GADL1: variants seen among roughly 807,000 people sequenced by gnomAD.
The protein encoded by GADL1 is acidic amino acid decarboxylase GADL1.
A neutral mutation model predicts 69.5 loss-of-function variants in GADL1; 71 were observed. That is an observed-to-expected ratio of 1.02 (90% CI 0.84 to 1.25). The LOEUF (loss-of-function observed/expected upper bound fraction) is 1.25, where lower values mean the gene tolerates loss of function less well. Among genes scored for constraint, GADL1 ranks in the 50% most tolerant of loss-of-function variants. The pLI, the probability that GADL1 is intolerant of heterozygous loss-of-function variation, is 0.00. For synonymous variants in GADL1, 254 were observed against 214.4 expected, an observed-to-expected ratio of 1.18 and a Z score of -1.62; for missense variants, 737 against 631.8, an observed-to-expected ratio of 1.17 and a Z score of -1.79.
intron 1 of GADL1, 53 bp from the exon 2 acceptor site, chr3:30,861,818 A>G: frequency 1.6e-6 from 2 of 1,214,932 alleles, no homozygotes; most frequent in Non-Finnish European, 2.3e-6. Context: ...TACACCACAT[A>G]ACAAAGCACG....
chr3:30,805,410 C>T (rs1294153880), intron 11 of GADL1, among the ~76,000 whole-genome samples: 2 of 152,076 alleles, frequency 1.3e-5, no homozygotes, highest in Non-Finnish European at 2.9e-5. Flanking sequence ...GAAGAGAGAA[C>T]ACTGAGCTAG....
rs1340095523 is a variant in GADL1 at position 30,861,595 on chromosome 3, T to A, written c.208A>T (p.Lys70Ter). ...VVLKATDVNE[K>*]VCEWRPPEQL... is the part of the protein sequence containing the mutation. Reference sequence around the variant, plus strand: ...TTCTTACAGGTTTTAATTTTTACCTTCTCATTGACATCTGTAGCTTTCAAA... The same window carrying A: ...TTCTTACAGGTTTTAATTTTTACCTACTCATTGACATCTGTAGCTTTCAAA... Residue 70 changes from lysine to a stop codon, truncating the protein, a stop_gained and splice_region_variant, in exon 2 of 15, where the codon AAG becomes TAG. Coordinates refer to ENST00000282538, the MANE Select transcript of GADL1 (RefSeq NM_207359.3). LOFTEE classifies it high-confidence loss of function. 1.3e-6 allele frequency: 2 copies of A among 1,541,642 alleles called. No individual in the cohort carries two copies. The highest frequency in any genetic ancestry group is 1.7e-6 in the Non-Finnish European group (2 of 1,142,914).
At chr3:30,848,674 C>T (rs146520299) in intron 6 of GADL1, among the ~76,000 whole-genome samples, 179 of 152,276 alleles carry the variant, frequency 1.2e-3, no homozygotes, top group Middle Eastern at 3.4e-3. Flanking sequence ...AAAATCTCTT[C>T]CAATAAAGGC....
At chr3:30,823,560 T>C (rs141947928) in intron 11 of GADL1, among the ~76,000 whole-genome samples, 2,204 of 151,960 alleles carry the variant, frequency 0.015, 53 homozygotes, top group African/African-American at 0.05. Flanking sequence ...GAAAGATCAA[T>C]TCAGGTCTCA....
intron 14 of GADL1, among the ~76,000 whole-genome samples, chr3:30,737,724 AG>A (rs1695559594): frequency 6.6e-6 from 1 of 152,170 alleles, no homozygotes; most frequent in Admixed American, 6.5e-5. Context: ...TGAAGAAAAA[AG>A]CCATACTTTG....
At chr3:30,787,352 C>T (rs1696817432) in intron 12 of GADL1, among the ~76,000 whole-genome samples, 1 of 152,066 alleles carries the variant, frequency 6.6e-6, no homozygotes, top group East Asian at 1.9e-4. Flanking sequence ...AAGACTAAAA[C>T]AACATTGAGA....
chr3:30,746,208 G>A (rs936493616), intron 14 of GADL1, among the ~76,000 whole-genome samples: 4 of 151,896 alleles, frequency 2.6e-5, no homozygotes, highest in Admixed American at 6.6e-5. Context: ...AGGCTGGTTC[G>A]AGACCTCAAG....
intron 14 of GADL1, among the ~76,000 whole-genome samples, chr3:30,760,009 A>G (rs1303410597): frequency 6.6e-6 from 1 of 152,188 alleles, no homozygotes; most frequent in Non-Finnish European, 1.5e-5. Context: ...TAGCTACCTA[A>G]TATCTCCTTT....
intron 1 of GADL1, among the ~76,000 whole-genome samples, chr3:30,892,960 G>A (rs1164789816): frequency 6.6e-6 from 1 of 152,190 alleles, no homozygotes; most frequent in Non-Finnish European, 1.5e-5. Context: ...AGGTTCAAGC[G>A]ATTCTCCTGC....
intron 12 of GADL1, among the ~76,000 whole-genome samples, chr3:30,791,538 A>G (rs1010567341): frequency 1.3e-5 from 2 of 152,190 alleles, no homozygotes; most frequent in African/African-American, 4.8e-5. Flanking sequence ...CCATAGTATC[A>G]TTTTAAAATG....
intron 14 of GADL1, among the ~76,000 whole-genome samples, chr3:30,771,639 C>G (rs1230064241): frequency 6.6e-6 from 1 of 152,120 alleles, no homozygotes; most frequent in African/African-American, 2.4e-5. Flanking sequence ...AATTCTGTAG[C>G]ATAAGGTTTA....
intron 1 of GADL1, among the ~76,000 whole-genome samples, chr3:30,862,967 G>T (rs376740832): frequency 6.6e-6 from 1 of 151,468 alleles, no homozygotes; most frequent in African/African-American, 2.4e-5. Flanking sequence ...ACTCATTCTT[G>T]CAGTCACCTT....
rs71914328 is a variant in GADL1, at chr3:30,849,536, CTGTG to C, written c.651+456_651+459del. On this transcript the variant is annotated intron_variant, in intron 6 of 14. Transcript: ENST00000282538. ...AAGAGATGGAGAACTGTGGCAATAT[CTGTG>C]TGTGTGTGTGTGTGTGTGTTTTCAT... Among the ~76,000 whole-genome samples the C allele has an allele frequency of 1.1e-3, 161 of 148,928 alleles. 1 individual carries two copies. The highest frequency in any genetic ancestry group is 3.5e-3 in the Middle Eastern group (1 of 282).
intron 14 of GADL1, among the ~76,000 whole-genome samples, chr3:30,738,840 C>G (rs1463771032): frequency 6.6e-6 from 1 of 152,164 alleles, no homozygotes; most frequent in Non-Finnish European, 1.5e-5. Flanking sequence ...TGAGAAGCAC[C>G]TGAAATACAC....
intron 1 of GADL1, among the ~76,000 whole-genome samples, chr3:30,883,324 A>G (rs1300822046): frequency 6.6e-6 from 1 of 151,964 alleles, no homozygotes; most frequent in Non-Finnish European, 1.5e-5. Flanking sequence ...TGATTTCTAT[A>G]TACAGTATAA....
At chr3:30,843,698 T>C (rs1193361494) in intron 8 of GADL1, among the ~76,000 whole-genome samples, 2 of 152,202 alleles carry the variant, frequency 1.3e-5, no homozygotes, top group African/African-American at 4.8e-5. Context: ...GTTCTGTCAC[T>C]GAACTACTAG....
chr3:30,771,160 A>AT (rs759849881), intron 14 of GADL1, among the ~76,000 whole-genome samples: 1 of 152,224 alleles, frequency 6.6e-6, no homozygotes. Context: ...ATTGAGCATA[A>AT]AAGCGAGAAA....
At position 30,833,918 on chromosome 3, in the gene GADL1, A is replaced by T. The variant is rs760088668; in HGVS notation, c.985T>A (p.Trp329Arg). ...GCCATCAGCATCTTGTGTGGGTTCC[A>T]GGCCACAGAGTCAGCCCTATTGTTT... ...HGIHRADSVA[W>R]NPHKMLMAGI... Residue 329 changes from tryptophan to arginine, a missense_variant, in exon 11 of 15, where the codon TGG (tryptophan) becomes AGG (arginine). Trp to Arg is a moderately radical substitution (Grantham distance 101). Coordinates refer to ENST00000282538, the MANE Select transcript of GADL1 (RefSeq NM_207359.3). 6.2e-7 allele frequency: 1 copy of T among 1,612,444 alleles called. No individual in the cohort carries two copies. Among genetic ancestry groups the T allele is most frequent in the Admixed American group, 1.7e-5 (1 of 59,872 alleles).
At chr3:30,808,955 T>C (rs1697306657) in intron 11 of GADL1, among the ~76,000 whole-genome samples, 1 of 152,184 alleles carries the variant, frequency 6.6e-6, no homozygotes, top group Non-Finnish European at 1.5e-5. Flanking sequence ...GTAACCTCTG[T>C]TTTCCCAGTC....
Sources: gnomAD v4.1 joint callset for allele counts (sites outside exome capture counted in the v4.1 genomes callset) on GRCh38, gnomAD v4.1.1 for gene constraint, MANE v1.5 for transcripts, NCBI Gene and HGNC (gene_info 2026-07-23, HGNC 2026-07-21) for gene names.